The following SLC17A6 variants were observed in gnomAD, a reference collection of about 807,000 sequenced individuals.
SLC17A6 encodes vesicular glutamate transporter 2.
SLC17A6 carries 35 observed loss-of-function variants against 67.1 expected under a neutral mutation model. The ratio of observed to expected loss-of-function variants is 0.52; its 90% CI spans 0.40 to 0.69. The LOEUF (loss-of-function observed/expected upper bound fraction) is 0.69, where lower values mean the gene tolerates loss of function less well. Among genes scored for constraint, SLC17A6 ranks in the 30% least tolerant of loss-of-function variants. The pLI is 0.00. For missense variants in SLC17A6, 588 were observed against 723.9 expected (o/e 0.81, Z 2.15); for synonymous variants, 285 against 252.3 (o/e 1.13, Z -1.23).
At chr11:22,372,539 G>T (rs1165724388) in intron 8 of SLC17A6, among the ~76,000 whole-genome samples, 1 of 151,982 alleles carries the variant, frequency 6.6e-6, no homozygotes, top group Non-Finnish European at 1.5e-5. Context: ...AATGAGAATA[G>T]ACATCCATTC....
At position 22,377,971 on chromosome 11, in the gene SLC17A6, G is replaced by T. The variant is rs1481430892; in HGVS notation, c.*231G>T. The T allele has an allele frequency of 2.4e-5, 12 of 505,836 alleles. No individual in the cohort carries two copies. Among genetic ancestry groups the T allele is most frequent in the Non-Finnish European group, 4.1e-5 (12 of 290,104 alleles). 31.3% of individuals were successfully genotyped at this position (505,836 alleles called of 1,614,324 possible). On this transcript the variant is annotated 3_prime_UTR_variant, in exon 12 of 12. Transcript: ENST00000263160. ...CCATTCTTGCATTTGTGACTTAAAG[G>T]TTGACTGGTCAAAATTGTAGAAACA...
chr11:22,364,496 G>A (rs951378333), intron 6 of SLC17A6, among the ~76,000 whole-genome samples: 3 of 152,082 alleles, frequency 2.0e-5, no homozygotes, highest in African/African-American at 7.2e-5. Context: ...TTGAATCTGG[G>A]AGTTATATTC....
chr11:22,339,063 A>T (rs985115189), intron 1 of SLC17A6, among the ~76,000 whole-genome samples: 5 of 104,020 alleles, frequency 4.8e-5, no homozygotes, highest in Non-Finnish European at 9.0e-5. Context: ...GTAATGGTTT[A>T]TATATATATA....
intron 3 of SLC17A6, among the ~76,000 whole-genome samples, chr11:22,357,013 TTGAA>T (rs1321528960): frequency 1.3e-5 from 2 of 152,216 alleles, no homozygotes; most frequent in Admixed American, 6.5e-5. Context: ...AATTTACAGT[TTGAA>T]TGCTGAAGTA....
chr11:22,366,386 A>T (rs1206874696), intron 7 of SLC17A6, among the ~76,000 whole-genome samples: 1 of 152,164 alleles, frequency 6.6e-6, no homozygotes, highest in Non-Finnish European at 1.5e-5. Context: ...ATACATGTGT[A>T]TTTATGTCAT....
Position 22,378,652 on chromosome 11 carries a change from A to G in SLC17A6, c.*912A>G, listed in dbSNP as rs187253460. ...AATGCAATATTAAGAACAAAGAAAT[A>G]GAAAATGGTTTAGATATCTTTCTTC... On this transcript the variant is annotated 3_prime_UTR_variant, in exon 12 of 12. Transcript: ENST00000263160. 4.6e-5 allele frequency: 7 copies of G among 152,646 alleles called. No homozygotes were observed. The highest frequency in any genetic ancestry group is 4.4e-5 in the Non-Finnish European group (3 of 67,972). The allele number at this position is 152,646 out of a possible 1,614,324, so 9.5% of individuals were successfully genotyped here.
chr11:22,362,703 T>G, intron 5 of SLC17A6, 36 bp from the exon 6 acceptor site: 1 of 1,522,528 alleles, frequency 6.6e-7, no homozygotes, highest in Non-Finnish European at 9.1e-7. Flanking sequence ...TCTACTGATT[T>G]CACTCACCTT....
intron 6 of SLC17A6, among the ~76,000 whole-genome samples, chr11:22,364,592 C>G (rs1477516070): frequency 6.6e-6 from 1 of 152,112 alleles, no homozygotes. Flanking sequence ...AAAAGGAACA[C>G]AGCTCATCAG....
At chr11:22,360,694 T>C (rs1856043078) in intron 4 of SLC17A6, among the ~76,000 whole-genome samples, 1 of 152,162 alleles carries the variant, frequency 6.6e-6, no homozygotes, top group Non-Finnish European at 1.5e-5. Flanking sequence ...TTTAATGCCC[T>C]ACAAAATGAT....
intron 3 of SLC17A6, among the ~76,000 whole-genome samples, chr11:22,346,338 G>A (rs903290836): frequency 3.9e-5 from 6 of 152,114 alleles, no homozygotes; most frequent in African/African-American, 1.4e-4. Flanking sequence ...TATTGATTAA[G>A]CAAAGACAGC....
At chr11:22,344,159 A>G (rs1855850659) in intron 3 of SLC17A6, among the ~76,000 whole-genome samples, 6 of 152,182 alleles carry the variant, frequency 3.9e-5, no homozygotes, top group Admixed American at 2.6e-4. Flanking sequence ...AATGCTCTTC[A>G]CGTCTGAATT....
chr11:22,339,154 TATA>T (rs1222390989), intron 1 of SLC17A6, among the ~76,000 whole-genome samples: 21,146 of 73,954 alleles, frequency 0.29, 4,318 homozygotes, highest in African/African-American at 0.34. Flanking sequence ...TATATATAGT[TATA>T]TATATATGTT....
At chr11:22,355,117 G>A (rs1351392420) in intron 3 of SLC17A6, among the ~76,000 whole-genome samples, 2 of 152,100 alleles carry the variant, frequency 1.3e-5, no homozygotes, top group East Asian at 1.9e-4. Context: ...CATAGGTTCT[G>A]TTAATATTCC....
At chr11:22,340,886 A>T (rs1855807113) in intron 1 of SLC17A6, among the ~76,000 whole-genome samples, 1 of 152,228 alleles carries the variant, frequency 6.6e-6, no homozygotes, top group Non-Finnish European at 1.5e-5. Flanking sequence ...CTCCTCACGC[A>T]CAGGCACTAG....
chr11:22,343,050 A>G (rs763064719), intron 2 of SLC17A6, 197 bp from the exon 3 acceptor site: 14 of 642,446 alleles, frequency 2.2e-5, no homozygotes, highest in Non-Finnish European at 3.9e-5. Context: ...ATTAATCACA[A>G]TACATTTTGT....
intron 2 of SLC17A6, chr11:22,343,020 C>CAAAGT: frequency 8.3e-6 from 5 of 603,124 alleles, no homozygotes; most frequent in South Asian, 8.1e-5. Context: ...GGGAGCAAAG[C>CAAAGT]CAGTGCGCCT....
chr11:22,354,240 C>T (rs977449994), intron 3 of SLC17A6, among the ~76,000 whole-genome samples: 2 of 152,056 alleles, frequency 1.3e-5, no homozygotes, highest in Non-Finnish European at 2.9e-5. Context: ...CCCACCGCCA[C>T]ACGCAGCTAA....
At chr11:22,358,401 C>T (rs1044441180) in intron 3 of SLC17A6, among the ~76,000 whole-genome samples, 1 of 152,182 alleles carries the variant, frequency 6.6e-6, no homozygotes, top group Non-Finnish European at 1.5e-5. Flanking sequence ...GATCTTGGTT[C>T]ACTGCAACCT....
In SLC17A6 at chr11:22,353,692, G is replaced by C. The variant is rs1291403905; in HGVS notation, c.459-5721G>C. Among the ~76,000 whole-genome samples the C allele has an allele frequency of 2.6e-5, 4 of 152,266 alleles. No homozygotes were observed. The East Asian group carries it at 7.7e-4, about 29-fold the overall frequency. ...TGATCTAACAATCTAATATCCATTTGTGTTTTTTAAAGGACATCTTCCATT... is the reference window on the plus strand; with the variant it reads ...TGATCTAACAATCTAATATCCATTTCTGTTTTTTAAAGGACATCTTCCATT... On this transcript the variant is annotated intron_variant, in intron 3 of 11. Transcript: ENST00000263160.
Sources: allele counts gnomAD v4.1 joint callset (sites outside exome capture counted in the v4.1 genomes callset), GRCh38; gene constraint gnomAD v4.1.1; transcripts MANE v1.5; gene names NCBI Gene and HGNC (gene_info 2026-07-23, HGNC 2026-07-21).